CASR: variants seen among roughly 807,000 people sequenced by gnomAD.
The protein encoded by CASR is calcium sensing receptor.
A neutral mutation model predicts 69.1 loss-of-function variants in CASR; 23 were observed. That is an observed-to-expected ratio of 0.33 (90% CI 0.24 to 0.47). CASR has a LOEUF of 0.47. Among genes scored for constraint, CASR ranks in the 20% least tolerant of loss-of-function variants. The pLI is 1.00. For synonymous variants in CASR, 541 were observed against 544.7 expected, an observed-to-expected ratio of 0.99 and a Z score of 0.10; for missense variants, 924 against 1,356.1, an observed-to-expected ratio of 0.68 and a Z score of 5.00.
chr3:122,223,774 C>A (rs985788258), intron 1 of CASR, among the ~76,000 whole-genome samples: 1 of 151,996 alleles, frequency 6.6e-6, no homozygotes, highest in African/African-American at 2.4e-5. Flanking sequence ...TGATGAACAT[C>A]GATGCAAAAA....
intron 1 of CASR, among the ~76,000 whole-genome samples, chr3:122,204,793 T>C (rs1040183969): frequency 2.0e-5 from 3 of 152,288 alleles, no homozygotes; most frequent in East Asian, 1.9e-4. Flanking sequence ...TAATATCATG[T>C]TATAGTATGA....
chr3:122,240,446 G>A (rs1342258576), intron 1 of CASR, among the ~76,000 whole-genome samples: 9 of 152,126 alleles, frequency 5.9e-5, no homozygotes, highest in African/African-American at 1.7e-4. Context: ...GAAGAAGGTC[G>A]TTATATAATG....
chr3:122,253,472 ACCT>A (rs1344742295), intron 1 of CASR, among the ~76,000 whole-genome samples: 2 of 152,206 alleles, frequency 1.3e-5, no homozygotes, highest in African/African-American at 4.8e-5. Context: ...TGAACTCCTG[ACCT>A]CAGGTTATCC....
intron 1 of CASR, among the ~76,000 whole-genome samples, chr3:122,238,112 G>A (rs1031130649): frequency 1.3e-5 from 2 of 152,206 alleles, no homozygotes; most frequent in South Asian, 2.1e-4. Context: ...AACAGTCACA[G>A]CACCCGGTGC....
intron 1 of CASR, among the ~76,000 whole-genome samples, chr3:122,223,634 C>A (rs1287127493): frequency 1.3e-5 from 2 of 152,056 alleles, no homozygotes; most frequent in African/African-American, 4.8e-5. Flanking sequence ...TATTCCAATC[C>A]TACTGAAATT....
intron 1 of CASR, among the ~76,000 whole-genome samples, chr3:122,203,202 T>C (rs7619425): frequency 6.6e-6 from 1 of 152,212 alleles, no homozygotes; most frequent in African/African-American, 2.4e-5. Flanking sequence ...CCTATTGAGA[T>C]TTTTTATTAG....
intron 4 of CASR, among the ~76,000 whole-genome samples, chr3:122,271,888 A>G (rs923079872): frequency 6.6e-6 from 1 of 152,164 alleles, no homozygotes; most frequent in Non-Finnish European, 1.5e-5. Context: ...TGCTTCTTCC[A>G]TATTGTAACA....
chr3:122,184,780 G>C (rs2073761322), intron 1 of CASR, among the ~76,000 whole-genome samples: 2 of 152,232 alleles, frequency 1.3e-5, no homozygotes, highest in South Asian at 4.1e-4. Context: ...GCGAATGAAC[G>C]GGAGCGCGCA....
At chr3:122,251,106 C>T (rs1428062304) in intron 1 of CASR, among the ~76,000 whole-genome samples, 4 of 152,250 alleles carry the variant, frequency 2.6e-5, no homozygotes, top group Non-Finnish European at 4.4e-5. Context: ...GAAAATTGAG[C>T]GTCTGCTGGG....
At position 122,288,977 on chromosome 3, in the gene CASR, A is replaced by G. The variant is rs1455779805; in HGVS notation, c.*3786A>G. The G allele has an allele frequency of 1.3e-5, 2 of 152,176 alleles. No individual in the cohort carries two copies. Among genetic ancestry groups the G allele is most frequent in the Admixed American group, 6.5e-5 (1 of 15,280 alleles). The allele number at this position is 152,176 out of a possible 1,614,324, so 9.4% of individuals were successfully genotyped here. ...TAACATCAATACCCTGAAAGTCCCT[A>G]TGATCGTCACACGTTGTCTAATTGC... On this transcript the variant is annotated 3_prime_UTR_variant, in exon 7 of 7. Transcript: ENST00000639785.
chr3:122,197,030 A>C (rs2073898191), intron 1 of CASR, among the ~76,000 whole-genome samples: 1 of 152,214 alleles, frequency 6.6e-6, no homozygotes. Context: ...TATTAACTAC[A>C]ACCAAGATGC....
Position 122,276,551 on chromosome 3 carries a change from G to A in CASR, c.1608+509G>A, listed in dbSNP as rs752374675. Among the ~76,000 whole-genome samples, 66 of 152,216 alleles carry A rather than the reference G, an allele frequency of 4.3e-4. No individual in the cohort carries two copies. The Middle Eastern group carries it at 0.014, about 31-fold the overall frequency. On this transcript the variant is annotated intron_variant, in intron 5 of 6. Transcript: ENST00000639785. ...GCTTACATGACAAAGAATTGATCCCGCCTCAATGGCCAGTAACAGCCATTG... is the reference window on the plus strand; with the variant it reads ...GCTTACATGACAAAGAATTGATCCCACCTCAATGGCCAGTAACAGCCATTG...
intron 1 of CASR, among the ~76,000 whole-genome samples, chr3:122,220,710 A>T (rs1181500086): frequency 6.6e-6 from 1 of 152,252 alleles, no homozygotes; most frequent in East Asian, 1.9e-4. Context: ...ATGGTGGCTT[A>T]CACCTGTAAT....
At chr3:122,238,577 G>A (rs2074351950) in intron 1 of CASR, among the ~76,000 whole-genome samples, 1 of 152,166 alleles carries the variant, frequency 6.6e-6, no homozygotes, top group Admixed American at 6.5e-5. Flanking sequence ...AGGTGACCTA[G>A]GGAGACACCA....
At chr3:122,214,982 G>A (rs2074102687) in intron 1 of CASR, among the ~76,000 whole-genome samples, 1 of 152,198 alleles carries the variant, frequency 6.6e-6, no homozygotes, top group Non-Finnish European at 1.5e-5. Context: ...GGGACTTAAA[G>A]CAGAGTTTTC....
intron 1 of CASR, among the ~76,000 whole-genome samples, chr3:122,230,810 C>A (rs559776888): frequency 6.6e-6 from 1 of 152,338 alleles, no homozygotes; most frequent in East Asian, 1.9e-4. Flanking sequence ...TAGGTGGGGA[C>A]TAGAACCACC....
At position 122,284,089 on chromosome 3, in the gene CASR, C is replaced by A. The variant is rs746383651; in HGVS notation, c.2135C>A (p.Thr712Asn). The change falls in exon 7 of 7, where the codon ACC becomes AAC. Residue 712 changes from threonine (T) to asparagine (N), a missense_variant. Thr to Asn is a moderately conservative substitution (Grantham distance 65, BLOSUM62 0). Transcript: ENST00000639785. ...CTGGTGTTTGAGGCCAAGATCCCCACCAGCTTCCACCGCAAGTGGTGGGGG... is the reference window on the plus strand; with the variant it reads ...CTGGTGTTTGAGGCCAAGATCCCCAACAGCTTCCACCGCAAGTGGTGGGGG... The part of the protein sequence containing the change: ...VLLVFEAKIP[T>N]SFHRKWWGLN... 1.2e-6 allele frequency: 2 copies of A among 1,614,192 alleles called. No homozygotes were observed. The highest frequency in any genetic ancestry group is 3.3e-5 in the Admixed American group (2 of 60,034).
At chr3:122,268,183 C>T (rs1162772591) in intron 4 of CASR, among the ~76,000 whole-genome samples, 1 of 152,186 alleles carries the variant, frequency 6.6e-6, no homozygotes, top group Non-Finnish European at 1.5e-5. Context: ...GATCATGAAA[C>T]TTGTTAAGTT....
chr3:122,198,560 G>A (rs930937871), intron 1 of CASR, among the ~76,000 whole-genome samples: 1 of 151,914 alleles, frequency 6.6e-6, no homozygotes, highest in African/African-American at 2.4e-5. Flanking sequence ...TCTTGGTGAT[G>A]GGCTTTTTGA....
Sources: gnomAD v4.1 joint callset for allele counts (sites outside exome capture counted in the v4.1 genomes callset) on GRCh38, gnomAD v4.1.1 for gene constraint, MANE v1.5 for transcripts, NCBI Gene and HGNC (gene_info 2026-07-23, HGNC 2026-07-21) for gene names.